SYCP2: variants seen among roughly 807,000 people sequenced by gnomAD.
SYCP2 encodes synaptonemal complex protein 2.
SYCP2 carries 55 observed loss-of-function variants against 211.3 expected under a neutral mutation model. The observed-to-expected ratio is 0.26, with a 90% CI of 0.21 to 0.33. The LOEUF (loss-of-function observed/expected upper bound fraction) is 0.33. Among genes scored for constraint, SYCP2 ranks in the 10% least tolerant of loss-of-function variants. The pLI is 1.00. For missense variants in SYCP2, 1,731 were observed against 1,752.0 expected (o/e 0.99, Z 0.21); for synonymous variants, 570 against 555.2 (o/e 1.03, Z -0.37).
intron 30 of SYCP2, 152 bp from the exon 31 acceptor site, chr20:59,880,623 G>A: frequency 1.8e-6 from 1 of 556,024 alleles, no homozygotes; most frequent in Non-Finnish European, 3.1e-6. Flanking sequence ...AATTTAGGAT[G>A]GCATTAATAA....
chr20:59,915,669 T>C (rs1202141893), intron 8 of SYCP2, 119 bp from the exon 9 acceptor site: 2 of 677,968 alleles, frequency 2.9e-6, no homozygotes, highest in Non-Finnish European at 2.6e-6. Flanking sequence ...AGTTTTATTA[T>C]GGGAATGGAG....
chr20:59,921,207 G>T, intron 4 of SYCP2, 103 bp downstream of exon 4: 1 of 889,432 alleles, frequency 1.1e-6, no homozygotes, highest in Non-Finnish European at 1.7e-6. Context: ...TTATGACTGA[G>T]CTTGCCCAAG....
chr20:59,881,262 A>G (rs1438748464), intron 29 of SYCP2, among the ~76,000 whole-genome samples, 175 bp downstream of exon 29: 1 of 151,802 alleles, frequency 6.6e-6, no homozygotes, highest in Non-Finnish European at 1.5e-5. Context: ...ATTCAAAGTG[A>G]TAATTTGCAT....
intron 7 of SYCP2, among the ~76,000 whole-genome samples, chr20:59,916,773 G>A (rs2060450870): frequency 6.6e-6 from 1 of 152,014 alleles, no homozygotes; most frequent in Non-Finnish European, 1.5e-5. Flanking sequence ...AATCCTGTCT[G>A]TACAAAAATT....
chr20:59,912,546 T>C lies in SYCP2; in HGVS notation c.831-128A>G, dbSNP rs548973930. The C allele has an allele frequency of 1.4e-4, 62 of 433,560 alleles. No individual in the cohort carries two copies. The East Asian group carries it at 3.0e-3, about 21-fold the overall frequency. The allele number at this position is 433,560 out of a possible 1,614,324, so 26.9% of individuals were successfully genotyped here. Reference sequence around the variant, plus strand: ...GGTCATAATAATTGAAATAAAATCATATTTCCCTCTTTAATACTTTTCAAA... The same window carrying C: ...GGTCATAATAATTGAAATAAAATCACATTTCCCTCTTTAATACTTTTCAAA... On this transcript the variant is annotated intron_variant, in intron 12 of 44. Coordinates refer to ENST00000357552, the MANE Select transcript of SYCP2 (RefSeq NM_014258.4).
At chr20:59,869,728 T>C (rs1007955137) in intron 36 of SYCP2, 70 bp downstream of exon 36, 73 of 804,424 alleles carry the variant, frequency 9.1e-5, no homozygotes, top group Middle Eastern at 3.8e-4. Flanking sequence ...CCACTAAAGG[T>C]CAGTAATCTG....
chr20:59,901,925 T>C (rs895782374), intron 15 of SYCP2, 115 bp from the exon 16 acceptor site: 22 of 800,432 alleles, frequency 2.7e-5, no homozygotes, highest in Non-Finnish European at 3.7e-5. Flanking sequence ...ATTCTCAATA[T>C]TGAACAGTGT....
chr20:59,915,079 T>C (rs963287730), intron 10 of SYCP2, 86 bp downstream of exon 10: 7 of 870,754 alleles, frequency 8.0e-6, no homozygotes, highest in African/African-American at 6.8e-5. Context: ...CAGTCTCACA[T>C]TGCTATGCTA....
intron 34 of SYCP2, 29 bp from the exon 35 acceptor site, chr20:59,874,090 T>C (rs78214780): frequency 0.028 from 36,729 of 1,306,576 alleles, 548 homozygotes; most frequent in Middle Eastern, 0.04. Context: ...AAAAAGAAAA[T>C]AGATGGCAAG....
chr20:59,882,799 G>A (rs2059711564), intron 26 of SYCP2, among the ~76,000 whole-genome samples: 1 of 151,666 alleles, frequency 6.6e-6, no homozygotes, highest in Admixed American at 6.6e-5. Context: ...AGTAGGGGGG[G>A]AACTAAGGGA....
intron 19 of SYCP2, among the ~76,000 whole-genome samples, chr20:59,895,989 T>A (rs1358274448): frequency 6.6e-6 from 1 of 152,084 alleles, no homozygotes. Flanking sequence ...GTTTAAAGTT[T>A]CACTAGGTAA....
At chr20:59,878,957 T>C (rs1306705238) in intron 31 of SYCP2, among the ~76,000 whole-genome samples, 2 of 152,080 alleles carry the variant, frequency 1.3e-5, no homozygotes, top group African/African-American at 4.8e-5. Flanking sequence ...CATTAACTTG[T>C]AGTTATTCAA....
rs562678815 is a variant in SYCP2, at chr20:59,925,702, T to C, written c.-46-3243A>G. Among the ~76,000 whole-genome samples, 25 of 152,186 alleles carry C rather than the reference T, an allele frequency of 1.6e-4. No homozygotes were observed. In the South Asian group the frequency reaches 2.7e-3, roughly 16 times the overall value. On this transcript the variant is annotated intron_variant, in intron 2 of 44. Coordinates refer to ENST00000357552, the MANE Select transcript of SYCP2 (RefSeq NM_014258.4). ...TATTGCCCTGGTAACAAGGTTATAATTGACATCTTTGATTCCTAAATGTTT... is the reference window on the plus strand; with the variant it reads ...TATTGCCCTGGTAACAAGGTTATAACTGACATCTTTGATTCCTAAATGTTT...
At chr20:59,896,786 T>A (rs765739849) in intron 18 of SYCP2, among the ~76,000 whole-genome samples, 5 of 152,190 alleles carry the variant, frequency 3.3e-5, no homozygotes, top group Non-Finnish European at 5.9e-5. Context: ...GCCTATGAAG[T>A]ACAGTACCTT....
At position 59,914,035 on chromosome 20, in the gene SYCP2, TAA is replaced by T; in HGVS notation, c.778-10_778-9del. 1 of 1,589,326 alleles carries T rather than the reference TAA, an allele frequency of 6.3e-7. No individual in the cohort carries two copies. Among genetic ancestry groups the T allele is most frequent in the Non-Finnish European group, 8.6e-7 (1 of 1,167,492 alleles). On this transcript the variant is annotated splice_polypyrimidine_tract_variant and intron_variant, in intron 11 of 44. Coordinates refer to ENST00000357552, the MANE Select transcript of SYCP2 (RefSeq NM_014258.4). ...GAGAAATATCCTGCAATCCTAATTT[TAA>T]AGAGAAATACTTTTAAAAATCATAA...
intron 7 of SYCP2, among the ~76,000 whole-genome samples, 191 bp from the exon 8 acceptor site, chr20:59,916,762 A>G (rs2060450548): frequency 6.6e-6 from 1 of 152,046 alleles, no homozygotes; most frequent in African/African-American, 2.4e-5. Context: ...CAACATGGCA[A>G]AATCCTGTCT....
chr20:59,888,069 T>C (rs2059831042), intron 24 of SYCP2, among the ~76,000 whole-genome samples: 1 of 151,994 alleles, frequency 6.6e-6, no homozygotes, highest in Non-Finnish European at 1.5e-5. Flanking sequence ...ACTTGTGAAC[T>C]CTATCAAACA....
intron 2 of SYCP2, among the ~76,000 whole-genome samples, chr20:59,929,559 T>C (rs774579927): frequency 3.2e-4 from 48 of 152,146 alleles, no homozygotes; most frequent in Non-Finnish European, 1.6e-4. Flanking sequence ...ATTCAGTAGC[T>C]GAATATAATG....
intron 33 of SYCP2, among the ~76,000 whole-genome samples, chr20:59,875,700 T>C (rs1440794839): frequency 6.6e-6 from 1 of 152,080 alleles, no homozygotes; most frequent in Non-Finnish European, 1.5e-5. Context: ...GAGATACAAA[T>C]AGCCTTCTTT....
Sources: gnomAD v4.1 joint callset for allele counts (sites outside exome capture counted in the v4.1 genomes callset) on GRCh38, gnomAD v4.1.1 for gene constraint, MANE v1.5 for transcripts, NCBI Gene and HGNC (gene_info 2026-07-23, HGNC 2026-07-21) for gene names.